Variants in SNTG1 observed in about 807,000 individuals in gnomAD.
The protein encoded by SNTG1 is syntrophin gamma 1, also known as gamma-1-syntrophin.
Under a neutral mutation model 74.7 loss-of-function variants are expected in SNTG1, and 39 were observed. That is an observed-to-expected ratio of 0.52 (90% CI 0.40 to 0.68). SNTG1 has a LOEUF of 0.68. SNTG1 is among the 30% of genes least tolerant of loss of function. SNTG1 has a pLI of 0.00. For synonymous variants in SNTG1, 254 were observed against 217.1 expected (o/e 1.17, Z -1.49); for missense variants, 685 against 609.5 (o/e 1.12, Z -1.30).
intron 1 of SNTG1, among the ~76,000 whole-genome samples, chr8:50,163,152 T>C (rs1410991301): frequency 6.6e-6 from 1 of 152,204 alleles, no homozygotes; most frequent in Non-Finnish European, 1.5e-5. Flanking sequence ...CTGGTCTCTC[T>C]GTAGATTCTA....
intron 1 of SNTG1, among the ~76,000 whole-genome samples, chr8:49,947,509 A>C (rs1439730777): frequency 6.6e-6 from 1 of 152,218 alleles, no homozygotes; most frequent in Non-Finnish European, 1.5e-5. Context: ...ACACGTACAC[A>C]GTATAAATGG....
intron 13 of SNTG1, among the ~76,000 whole-genome samples, chr8:50,638,849 C>T (rs1352416265): frequency 2.6e-5 from 4 of 151,998 alleles, no homozygotes. Flanking sequence ...AGTTTTTCTG[C>T]ACCAACAAAA....
At chr8:50,021,031 T>A (rs1016747277) in intron 1 of SNTG1, among the ~76,000 whole-genome samples, 1 of 152,174 alleles carries the variant, frequency 6.6e-6, no homozygotes, top group South Asian at 2.1e-4. Flanking sequence ...CTTAATCTAC[T>A]GTGATGAATA....
intron 13 of SNTG1, among the ~76,000 whole-genome samples, chr8:50,609,716 A>G (rs1039495786): frequency 3.9e-5 from 6 of 152,070 alleles, no homozygotes; most frequent in African/African-American, 1.2e-4. Context: ...CCATTTCTTC[A>G]ATCCATTATT....
intron 2 of SNTG1, among the ~76,000 whole-genome samples, chr8:50,264,803 C>A (rs944074822): frequency 7.9e-5 from 12 of 151,916 alleles, no homozygotes; most frequent in African/African-American, 2.9e-4. Context: ...AGGAGAACAT[C>A]ATTACTGAGC....
At chr8:50,242,410 C>A (rs564589408) in intron 2 of SNTG1, among the ~76,000 whole-genome samples, 41 of 151,508 alleles carry the variant, frequency 2.7e-4, no homozygotes, top group African/African-American at 9.2e-4. Flanking sequence ...TGCCTGTAAT[C>A]CCAGCTACTT....
At chr8:50,294,451 T>C (rs2130595361) in intron 2 of SNTG1, among the ~76,000 whole-genome samples, 1 of 152,342 alleles carries the variant, frequency 6.6e-6, no homozygotes, top group Non-Finnish European at 1.5e-5. Flanking sequence ...TTATGGATAC[T>C]GGCAAGCCCC....
At chr8:50,688,788 G>T (rs1452528369) in intron 15 of SNTG1, among the ~76,000 whole-genome samples, 9 of 151,848 alleles carry the variant, frequency 5.9e-5, no homozygotes, top group South Asian at 4.1e-4. Context: ...TTCCAATTCT[G>T]TGAAGAAAGT....
At chr8:50,733,206 A>G (rs1049936357) in intron 17 of SNTG1, among the ~76,000 whole-genome samples, 3 of 151,908 alleles carry the variant, frequency 2.0e-5, no homozygotes, top group Non-Finnish European at 4.4e-5. Flanking sequence ...TTTGCATTTA[A>G]TTTGCTTAGG....
intron 2 of SNTG1, among the ~76,000 whole-genome samples, chr8:50,281,428 C>T (rs1291308430): frequency 6.6e-6 from 1 of 152,172 alleles, no homozygotes; most frequent in African/African-American, 2.4e-5. Flanking sequence ...CATAACAATA[C>T]ATTCAAGTCT....
chr8:50,484,148 CT>C (rs1467299863), intron 8 of SNTG1, among the ~76,000 whole-genome samples: 15 of 97,546 alleles, frequency 1.5e-4, no homozygotes, highest in African/African-American at 5.1e-4. Context: ...TTCTTTCTTT[CT>C]TTCCTTCCTT....
chr8:50,619,494 G>A (rs2094906569), intron 13 of SNTG1, among the ~76,000 whole-genome samples: 1 of 152,162 alleles, frequency 6.6e-6, no homozygotes, highest in South Asian at 2.1e-4. Flanking sequence ...CTCTTTGGGA[G>A]GCCGAGGCGG....
chr8:50,450,869 A>G (rs1004071069), intron 8 of SNTG1, 140 bp downstream of exon 8: 2 of 639,430 alleles, frequency 3.1e-6, no homozygotes, highest in Non-Finnish European at 5.0e-6. Context: ...ATGTTCTCTT[A>G]ATTTTTTTTT....
At chr8:50,687,052 G>A (rs1484238440) in intron 15 of SNTG1, among the ~76,000 whole-genome samples, 1 of 151,106 alleles carries the variant, frequency 6.6e-6, no homozygotes, top group Non-Finnish European at 1.5e-5. Flanking sequence ...GGAGAATGGC[G>A]TGAACCCGGG....
intron 1 of SNTG1, among the ~76,000 whole-genome samples, chr8:49,936,456 G>A (rs1808090161): frequency 6.6e-6 from 1 of 151,916 alleles, no homozygotes; most frequent in Non-Finnish European, 1.5e-5. Flanking sequence ...CTCACGTTTG[G>A]TAACTAAAAT....
At chr8:50,395,139 A>C (rs1322384918) in intron 3 of SNTG1, among the ~76,000 whole-genome samples, 1 of 152,090 alleles carries the variant, frequency 6.6e-6, no homozygotes, top group Non-Finnish European at 1.5e-5. Context: ...GTAACTCCTT[A>C]TTTTCTTCTA....
At chr8:50,631,026 A>C (rs78030927) in intron 13 of SNTG1, among the ~76,000 whole-genome samples, 6,555 of 152,308 alleles carry the variant, frequency 0.043, 244 homozygotes, top group African/African-American at 0.094. Context: ...GACCTCAGGG[A>C]TAAACCTAGG....
chr8:50,238,708 T>C (rs1365563995), intron 2 of SNTG1, among the ~76,000 whole-genome samples: 1 of 152,042 alleles, frequency 6.6e-6, no homozygotes, highest in Non-Finnish European at 1.5e-5. Flanking sequence ...ACAGACAACC[T>C]ACAGAACGGA....
At chr8:50,348,884 G>C (rs973273834) in intron 2 of SNTG1, among the ~76,000 whole-genome samples, 9 of 152,134 alleles carry the variant, frequency 5.9e-5, no homozygotes, top group African/African-American at 2.2e-4. Flanking sequence ...ACCCTGCTGG[G>C]CTGGGACTTT....
Sources: gnomAD v4.1 joint callset for allele counts (sites outside exome capture counted in the v4.1 genomes callset) on GRCh38, gnomAD v4.1.1 for gene constraint, MANE v1.5 for transcripts, NCBI Gene and HGNC (gene_info 2026-07-23, HGNC 2026-07-21) for gene names.